The following MARCHF3 variants were observed in gnomAD, a reference collection of about 807,000 sequenced individuals.
MARCHF3 encodes the protein membrane associated ring-CH-type finger 3, also known as E3 ubiquitin-protein ligase MARCHF3.
A neutral mutation model predicts 24.2 loss-of-function variants in MARCHF3; 13 were observed. That is an observed-to-expected ratio of 0.54 (90% confidence interval 0.35 to 0.85). The LOEUF is 0.85. MARCHF3 is among the 40% of genes least tolerant of loss of function. The pLI, the probability that MARCHF3 is intolerant of heterozygous loss-of-function variation, is 0.01. For missense variants in MARCHF3, 276 were observed against 325.0 expected, an observed-to-expected ratio of 0.85 and a Z score of 1.16; for synonymous variants, 144 against 137.3, an observed-to-expected ratio of 1.05 and a Z score of -0.34.
intron 1 of MARCHF3, among the ~76,000 whole-genome samples, chr5:126,972,049 T>C (rs1379685393): frequency 6.6e-6 from 1 of 152,208 alleles, no homozygotes; most frequent in Non-Finnish European, 1.5e-5. Flanking sequence ...CCAGACTCCC[T>C]GGCTCTGCAA....
chr5:127,019,380 C>T (rs978673150), intron 1 of MARCHF3, among the ~76,000 whole-genome samples: 1 of 152,160 alleles, frequency 6.6e-6, no homozygotes, highest in Non-Finnish European at 1.5e-5. Context: ...CTAACAGAAT[C>T]CTAACTTTGT....
At chr5:126,889,663 T>C (rs1753614442) in intron 3 of MARCHF3, among the ~76,000 whole-genome samples, 1 of 152,194 alleles carries the variant, frequency 6.6e-6, no homozygotes, top group South Asian at 2.1e-4. Flanking sequence ...TTGCAGTCCC[T>C]ATAGTCCAAT....
chr5:126,874,065 GGA>G (rs932455310), intron 4 of MARCHF3, among the ~76,000 whole-genome samples: 7 of 152,194 alleles, frequency 4.6e-5, no homozygotes, highest in Admixed American at 3.3e-4. Flanking sequence ...TTTGAGTTTA[GGA>G]GAGAGGAGGA....
At chr5:126,924,508 G>A (rs182429506) in intron 1 of MARCHF3, among the ~76,000 whole-genome samples, 1 of 152,114 alleles carries the variant, frequency 6.6e-6, no homozygotes, top group Non-Finnish European at 1.5e-5. Context: ...TAGGGATGCC[G>A]CTCTTTGATA....
At chr5:126,971,448 C>CAAAAA (rs60881844) in intron 1 of MARCHF3, among the ~76,000 whole-genome samples, 15 of 89,590 alleles carry the variant, frequency 1.7e-4, no homozygotes, top group South Asian at 3.5e-4. Context: ...GACTCTGTCT[C>CAAAAA]AAAAAAAAAA....
chr5:126,933,747 C>G (rs1308265919), intron 1 of MARCHF3, among the ~76,000 whole-genome samples: 1 of 152,156 alleles, frequency 6.6e-6, no homozygotes, highest in Non-Finnish European at 1.5e-5. Flanking sequence ...CCCAGCCTCT[C>G]TTTGGTATCT....
intron 1 of MARCHF3, among the ~76,000 whole-genome samples, chr5:126,962,150 G>A (rs2126823088): frequency 6.6e-6 from 1 of 152,272 alleles, no homozygotes; most frequent in South Asian, 2.1e-4. Flanking sequence ...TTTACAATGT[G>A]AGAACCTAGG....
intron 3 of MARCHF3, among the ~76,000 whole-genome samples, chr5:126,899,837 CCT>C (rs780009269): frequency 6.6e-6 from 1 of 152,068 alleles, no homozygotes; most frequent in Non-Finnish European, 1.5e-5. Context: ...CCTGTCTCCC[CCT>C]GTCCCCTACA....
At chr5:126,963,359 A>T (rs1378741382) in intron 1 of MARCHF3, among the ~76,000 whole-genome samples, 1 of 152,182 alleles carries the variant, frequency 6.6e-6, no homozygotes, top group Non-Finnish European at 1.5e-5. Context: ...TTATTTTTGT[A>T]GGAAAAATTC....
At chr5:126,963,383 G>C (rs944216954) in intron 1 of MARCHF3, among the ~76,000 whole-genome samples, 1 of 151,784 alleles carries the variant, frequency 6.6e-6, no homozygotes, top group Non-Finnish European at 1.5e-5. Context: ...CAATATTAAT[G>C]GTAATACCCA....
intron 1 of MARCHF3, among the ~76,000 whole-genome samples, chr5:126,934,930 G>A (rs926381491): frequency 1.3e-5 from 2 of 152,122 alleles, no homozygotes; most frequent in Non-Finnish European, 1.5e-5. Context: ...TGCCCCCACC[G>A]ATTTGAAACT....
chr5:127,001,486 C>T (rs1413259378), intron 1 of MARCHF3, among the ~76,000 whole-genome samples: 1 of 152,182 alleles, frequency 6.6e-6, no homozygotes, highest in Non-Finnish European at 1.5e-5. Context: ...ACTCAAACTA[C>T]AAAACCTGCC....
chr5:126,962,211 C>G (rs1053361650), intron 1 of MARCHF3, among the ~76,000 whole-genome samples: 5 of 151,846 alleles, frequency 3.3e-5, no homozygotes. Context: ...ACACACACAC[C>G]CTATATATCT....
At chr5:126,875,916 G>T (rs1038102146) in intron 4 of MARCHF3, among the ~76,000 whole-genome samples, 1 of 152,210 alleles carries the variant, frequency 6.6e-6, no homozygotes, top group African/African-American at 2.4e-5. Flanking sequence ...TGAACAGAGA[G>T]GTTAAGTATC....
chr5:126,946,761 G>GGTGTGTGTGTGTGTGTGTGTGTGTGTGT (rs58269583), intron 1 of MARCHF3, among the ~76,000 whole-genome samples: 2 of 135,946 alleles, frequency 1.5e-5, no homozygotes, highest in African/African-American at 2.8e-5. Flanking sequence ...TGTAAGTAGG[G>GGTGTGTGTGTGTGTGTGTGTGTGTGTGT]GTGTGTGTGT....
intron 1 of MARCHF3, among the ~76,000 whole-genome samples, chr5:126,919,592 G>C (rs1168885325): frequency 2.0e-5 from 3 of 152,188 alleles, no homozygotes. Flanking sequence ...TGGAAAACAG[G>C]ATCTTCCCAA....
At chr5:126,901,784 A>G (rs1754113824) in intron 3 of MARCHF3, among the ~76,000 whole-genome samples, 1 of 152,056 alleles carries the variant, frequency 6.6e-6, no homozygotes, top group Non-Finnish European at 1.5e-5. Flanking sequence ...GGTGCCTTGT[A>G]CCCAACACAG....
chr5:126,904,582 T>C (rs1381062938), intron 3 of MARCHF3, among the ~76,000 whole-genome samples: 1 of 150,230 alleles, frequency 6.7e-6, no homozygotes, highest in Non-Finnish European at 1.5e-5. Context: ...GAGCATTTTT[T>C]CATGTGTTTT....
intron 1 of MARCHF3, among the ~76,000 whole-genome samples, chr5:126,931,876 G>GATA (rs368792192): frequency 1.4e-4 from 21 of 151,906 alleles, no homozygotes; most frequent in East Asian, 3.9e-4. Flanking sequence ...GCTATTTGGT[G>GATA]ATAATAATAA....
Sources: allele counts gnomAD v4.1 joint callset (sites outside exome capture counted in the v4.1 genomes callset), GRCh38; gene constraint gnomAD v4.1.1; transcripts MANE v1.5; gene names NCBI Gene and HGNC (gene_info 2026-07-23, HGNC 2026-07-21).